CACNA2D1: variants seen among roughly 807,000 people sequenced by gnomAD.
CACNA2D1 encodes voltage-dependent calcium channel subunit alpha-2/delta-1.
Under a neutral mutation model 171.5 loss-of-function variants are expected in CACNA2D1, and 53 were observed. That is an observed-to-expected ratio of 0.31 (90% CI 0.25 to 0.39). The LOEUF (loss-of-function observed/expected upper bound fraction) is 0.39. Among genes scored for constraint, CACNA2D1 ranks in the 10% least tolerant of loss-of-function variants. The pLI, the probability that CACNA2D1 is intolerant of heterozygous loss-of-function variation, is 1.00. For synonymous variants in CACNA2D1, 442 were observed against 443.1 expected (o/e 1.00, Z 0.03); for missense variants, 903 against 1,299.8 (o/e 0.69, Z 4.69).
chr7:82,118,473 T>C (rs546945466), intron 5 of CACNA2D1, among the ~76,000 whole-genome samples: 2 of 152,276 alleles, frequency 1.3e-5, no homozygotes, highest in South Asian at 2.1e-4. Context: ...TGAATGGATG[T>C]ATACATAGCA....
At position 82,005,457 on chromosome 7, in the gene CACNA2D1, C is replaced by A; in HGVS notation, c.1556G>T (p.Gly519Val). The A allele has an allele frequency of 6.3e-7, 1 of 1,598,496 alleles. No homozygotes were observed. The highest frequency in any genetic ancestry group is 8.5e-7 in the Non-Finnish European group (1 of 1,170,800). The change falls in exon 18 of 39, where the codon GGT becomes GTT. Residue 519 changes from glycine (G) to valine (V), a missense_variant. This residue lies in a region of CACNA2D1 where 623 missense variants were observed against 925.5 expected (regional missense o/e 0.67). Transcript: ENST00000356860. ...AAGATTTGGATGTAATAAAACATAACCATTAGGATCGATTGCAAAGTAATA... is the reference window on the plus strand; with the variant it reads ...AAGATTTGGATGTAATAAAACATAAACATTAGGATCGATTGCAAAGTAATA... The part of the protein sequence containing the change: ...NGYYFAIDPN[G>V]YVLLHPNLQP...
At chr7:82,193,282 T>C (rs960095162) in intron 3 of CACNA2D1, among the ~76,000 whole-genome samples, 5 of 152,008 alleles carry the variant, frequency 3.3e-5, no homozygotes, top group Non-Finnish European at 2.9e-5. Flanking sequence ...ATTTACAGAT[T>C]ACCTACTTCT....
In CACNA2D1 at chr7:82,158,338, ATTAGCACT is replaced by A. The variant is rs144958178; in HGVS notation, c.354+12204_354+12211del. Among the ~76,000 whole-genome samples the A allele has an allele frequency of 8.6e-3, 1,308 of 152,066 alleles. 19 individuals are homozygous for A. Among genetic ancestry groups the A allele is most frequent in the African/African-American group, 0.03 (1,240 of 41,536 alleles). On this transcript the variant is annotated intron_variant, in intron 4 of 38. Coordinates refer to ENST00000356860, the MANE Select transcript of CACNA2D1 (RefSeq NM_000722.4). ...CTTTAAAATTATGTTCCAATAGGGA[ATTAGCACT>A]TTTGCTAACACAATCAGTCTCAATG...
chr7:81,974,415 A>G, intron 25 of CACNA2D1, 40 bp downstream of exon 25: 1 of 966,150 alleles, frequency 1.0e-6, no homozygotes, highest in Non-Finnish European at 1.7e-6. Context: ...AACCAATAGA[A>G]CCACACTCAA....
chr7:82,359,499 C>G (rs968194485), intron 1 of CACNA2D1, among the ~76,000 whole-genome samples: 2 of 152,120 alleles, frequency 1.3e-5, no homozygotes, highest in Admixed American at 6.6e-5. Flanking sequence ...TCCAGTCCAG[C>G]GCACTGAACT....
chr7:82,269,899 T>C (rs1485312117), intron 3 of CACNA2D1, among the ~76,000 whole-genome samples: 1 of 152,184 alleles, frequency 6.6e-6, no homozygotes, highest in Admixed American at 6.5e-5. Flanking sequence ...ACACAAACTT[T>C]ACTGACATAT....
At chr7:82,123,611 C>T (rs1323287921) in intron 5 of CACNA2D1, among the ~76,000 whole-genome samples, 4 of 152,326 alleles carry the variant, frequency 2.6e-5, no homozygotes, top group African/African-American at 4.8e-5. Flanking sequence ...ACTGCCCAGG[C>T]AGCACAGCAT....
chr7:81,950,223 T>C lies in CACNA2D1; in HGVS notation c.*169A>G. On this transcript the variant is annotated 3_prime_UTR_variant, in exon 39 of 39. Transcript: ENST00000356860. ...CGTTTAAGGATCTGACACCCTGACA[T>C]GCAGCCAGTGGGTGCCTTAGGAGTC... 1 of 1,167,778 alleles carries C rather than the reference T, an allele frequency of 8.6e-7. No individual in the cohort carries two copies. Among genetic ancestry groups the C allele is most frequent in the South Asian group, 1.4e-5 (1 of 70,072 alleles). 72.3% of individuals were successfully genotyped at this position (1,167,778 alleles called of 1,614,324 possible).
chr7:82,077,248 A>G (rs909720305), intron 7 of CACNA2D1, among the ~76,000 whole-genome samples: 1 of 152,194 alleles, frequency 6.6e-6, no homozygotes, highest in Non-Finnish European at 1.5e-5. Flanking sequence ...CTTACTTAGT[A>G]CAGCCCCCTG....
chr7:82,320,719 T>A (rs377377755), intron 3 of CACNA2D1, among the ~76,000 whole-genome samples: 1 of 151,898 alleles, frequency 6.6e-6, no homozygotes, highest in African/African-American at 2.4e-5. Context: ...GACTCCCATA[T>A]GCTGTTAGAC....
chr7:82,156,950 A>G (rs553839066), intron 4 of CACNA2D1, among the ~76,000 whole-genome samples: 4 of 152,266 alleles, frequency 2.6e-5, no homozygotes, highest in Admixed American at 2.0e-4. Context: ...AAATAAAAAT[A>G]TTTTGATGAA....
chr7:82,077,093 T>G (rs1206575991), intron 7 of CACNA2D1, among the ~76,000 whole-genome samples: 1 of 152,232 alleles, frequency 6.6e-6, no homozygotes, highest in Non-Finnish European at 1.5e-5. Flanking sequence ...ATTTAAGATG[T>G]ATTTAATTTA....
rs759968270 is a variant in CACNA2D1 at position 82,263,102 on chromosome 7, CT to C, written c.294+72032del. ...AAGGCTCCTATGTCACATAACACCA[CT>C]TTTTTTTTTTTTTTTTTTTGAGACA... On this transcript the variant is annotated intron_variant, in intron 3 of 38. Transcript: ENST00000356860. Among the ~76,000 whole-genome samples, 201 of 107,986 alleles carry C rather than the reference CT, an allele frequency of 1.9e-3. 1 individual carries two copies. The highest frequency in any genetic ancestry group is 8.6e-3 in the East Asian group (34 of 3,940). 70.8% of individuals were successfully genotyped at this position (107,986 alleles called of 152,430 possible). A position where few individuals can be genotyped will look rare whatever the true frequency, so the allele number is the denominator to read the frequency against.
intron 6 of CACNA2D1, among the ~76,000 whole-genome samples, chr7:82,111,298 A>G (rs1271112409): frequency 1.2e-5 from 1 of 80,082 alleles, no homozygotes; most frequent in Non-Finnish European, 2.6e-5. Flanking sequence ...CTGGGTATAT[A>G]TATATATATA....
intron 3 of CACNA2D1, among the ~76,000 whole-genome samples, chr7:82,242,810 AT>A (rs1393970244): frequency 9.3e-5 from 1 of 10,758 alleles, no homozygotes; most frequent in African/African-American, 3.6e-3. Flanking sequence ...GTCAGACTCA[AT>A]ACTGAATTTA....
chr7:82,009,109 T>C (rs1799451891), intron 15 of CACNA2D1: 1 of 152,118 alleles, frequency 6.6e-6, no homozygotes, highest in African/African-American at 2.4e-5. Flanking sequence ...CCCCATGTTA[T>C]TCTCGTGATA....
At chr7:82,151,911 C>G (rs890612725) in intron 4 of CACNA2D1, among the ~76,000 whole-genome samples, 5 of 152,062 alleles carry the variant, frequency 3.3e-5, no homozygotes, top group Non-Finnish European at 7.4e-5. Context: ...TTTACAGACA[C>G]AATTCCCTCT....
intron 1 of CACNA2D1, among the ~76,000 whole-genome samples, chr7:82,375,634 AT>A (rs944669479): frequency 1.3e-5 from 2 of 152,094 alleles, no homozygotes; most frequent in Non-Finnish European, 2.9e-5. Context: ...ACAATTCTGT[AT>A]TTTTTTATTA....
chr7:81,968,827 T>C (rs140909060), intron 29 of CACNA2D1, 60 bp downstream of exon 29: 85 of 944,044 alleles, frequency 9.0e-5, no homozygotes, highest in East Asian at 3.1e-4. Context: ...CAGTTTATAA[T>C]ATAAATGCCA....
Sources: allele counts gnomAD v4.1 joint callset (sites outside exome capture counted in the v4.1 genomes callset), GRCh38; gene constraint gnomAD v4.1.1; regional missense constraint gnomAD v4.1.1; transcripts MANE v1.5; gene names NCBI Gene and HGNC (gene_info 2026-07-23, HGNC 2026-07-21).